Variants in ZDHHC13 observed in about 807,000 individuals in gnomAD.
ZDHHC13 encodes palmitoyltransferase ZDHHC13.
ZDHHC13 carries 85 observed loss-of-function variants against 86.0 expected under a neutral mutation model. That is an observed-to-expected ratio of 0.99 (90% CI 0.83 to 1.18). The LOEUF (loss-of-function observed/expected upper bound fraction) is 1.18, where lower values mean the gene tolerates loss of function less well. ZDHHC13 is among the 50% of genes most tolerant of loss of function. The pLI is 0.00. For missense variants in ZDHHC13, 711 were observed against 730.2 expected (o/e 0.97, Z 0.30); for synonymous variants, 263 against 246.4 (o/e 1.07, Z -0.63).
intron 1 of ZDHHC13, among the ~76,000 whole-genome samples, chr11:19,121,767 C>G (rs1848763397): frequency 6.6e-6 from 1 of 152,064 alleles, no homozygotes; most frequent in Non-Finnish European, 1.5e-5. Flanking sequence ...AATAGCTCAC[C>G]TTAGGACCAT....
In ZDHHC13 at chr11:19,125,725, C is replaced by T. The variant is rs1427268533; in HGVS notation, c.27+8449C>T. Among the ~76,000 whole-genome samples, 4 of 152,244 alleles carry T rather than the reference C, an allele frequency of 2.6e-5. No homozygotes were observed. In the East Asian group the frequency reaches 7.7e-4, roughly 29 times the overall value. ...GTTTGGATAGATTATCTGTGACGCA[C>T]CCATATAGTGGGATACTACACAGCA... is the stretch of plus-strand genomic sequence containing the variant. On this transcript the variant is annotated intron_variant, in intron 1 of 16. Transcript: ENST00000446113.
At chr11:19,132,464 C>T (rs1194698011) in intron 1 of ZDHHC13, among the ~76,000 whole-genome samples, 1 of 152,190 alleles carries the variant, frequency 6.6e-6, no homozygotes, top group Admixed American at 6.5e-5. Flanking sequence ...GTTTACAAAT[C>T]TCCATTTTTT....
intron 15 of ZDHHC13, among the ~76,000 whole-genome samples, chr11:19,171,437 A>G (rs1177449180): frequency 1.3e-5 from 2 of 152,202 alleles, no homozygotes; most frequent in African/African-American, 4.8e-5. Context: ...AATAATAATG[A>G]TAATAATAAC....
Position 19,117,253 on chromosome 11 carries a change from G to T in ZDHHC13, c.4G>T (p.Glu2Ter). The change falls in exon 1 of 17, where the codon GAG becomes TAG. Residue 2 changes from glutamate to a stop codon, truncating the protein, a stop_gained. Transcript: ENST00000446113. LOFTEE classifies it high-confidence loss of function. The surrounding 1 kb of genome is among the most constrained non-coding windows in gnomAD (Gnocchi z 4.2). ...GCCGCTGTGGGCTCCTGGGGAGATG[G>T]AGGGGCCGGGGCTGGGCTCGCAGGT... The part of the protein sequence containing the change: M[E>*]GPGLGSQCRN... 1 of 1,511,732 alleles carries T rather than the reference G, an allele frequency of 6.6e-7. No individual in the cohort carries two copies. The highest frequency in any genetic ancestry group is 8.8e-7 in the Non-Finnish European group (1 of 1,131,078). The allele number at this position is 1,511,732 out of a possible 1,614,324, so 93.6% of individuals were successfully genotyped here.
In ZDHHC13 at chr11:19,150,727, A is replaced by G. The variant is rs1849583880; in HGVS notation, c.520A>G (p.Ser174Gly). The change falls in exon 6 of 17, where the codon AGT becomes GGT. Residue 174 changes from serine (S) to glycine (G), a missense_variant and splice_region_variant. Physicochemically the swap from Ser to Gly is moderately conservative, Grantham distance 56. Coordinates refer to ENST00000446113, the MANE Select transcript of ZDHHC13 (RefSeq NM_019028.3). ...IIAYLISKGQ[S>G]VNMTDVNGQT... ...TGCTAATTGTCTTCTTTTTGAATAG[A>G]GTGTGAATATGACAGATGTAAATGG... The G allele has an allele frequency of 6.2e-7, 1 of 1,603,194 alleles. No individual in the cohort carries two copies. The highest frequency in any genetic ancestry group is 8.5e-7 in the Non-Finnish European group (1 of 1,172,362).
At chr11:19,162,823 T>C (rs1849949795) in intron 10 of ZDHHC13, among the ~76,000 whole-genome samples, 1 of 152,190 alleles carries the variant, frequency 6.6e-6, no homozygotes, top group Non-Finnish European at 1.5e-5. Context: ...TATGATGTGA[T>C]TCTTTCACAA....
At chr11:19,142,531 C>G (rs1421831980) in intron 1 of ZDHHC13, among the ~76,000 whole-genome samples, 3 of 152,158 alleles carry the variant, frequency 2.0e-5, no homozygotes, top group Non-Finnish European at 4.4e-5. Flanking sequence ...TCCACCACAA[C>G]TCCAAAAAGT....
chr11:19,127,287 A>G (rs913875835), intron 1 of ZDHHC13, among the ~76,000 whole-genome samples: 2 of 152,108 alleles, frequency 1.3e-5, no homozygotes, highest in African/African-American at 4.8e-5. Context: ...TTCTTTACCT[A>G]CATTTTAATG....
In ZDHHC13 at chr11:19,122,439, A is replaced by G. The variant is rs1339694115; in HGVS notation, c.27+5163A>G. Among the ~76,000 whole-genome samples the G allele has an allele frequency of 2.6e-5, 4 of 152,140 alleles. No homozygotes were observed. The East Asian group carries it at 7.7e-4, about 29-fold the overall frequency. On this transcript the variant is annotated intron_variant, in intron 1 of 16. Coordinates refer to ENST00000446113, the MANE Select transcript of ZDHHC13 (RefSeq NM_019028.3). ...ATTATTATTATTATTACCTCAATTC[A>G]TGGCTTCTTTGTAGAAATCAGCTTA...
intron 10 of ZDHHC13, among the ~76,000 whole-genome samples, chr11:19,161,787 G>C (rs1849918406): frequency 6.6e-6 from 1 of 152,070 alleles, no homozygotes; most frequent in Admixed American, 6.6e-5. Flanking sequence ...TGCATGTTAT[G>C]GTGAGCTATG....
At chr11:19,140,602 A>G (rs1476507751) in intron 1 of ZDHHC13, among the ~76,000 whole-genome samples, 2 of 152,138 alleles carry the variant, frequency 1.3e-5, no homozygotes, top group Non-Finnish European at 2.9e-5. Context: ...TGCTGCTATA[A>G]AGACACATGC....
chr11:19,117,206 C>A lies in ZDHHC13; in HGVS notation c.-44C>A. ...GGCGGGCTGGCGGGCTGGCGGCAGT[C>A]GCTACTTGCCTAGTAGCCTCAGCCG... On this transcript the variant is annotated 5_prime_UTR_variant, in exon 1 of 17. Coordinates refer to ENST00000446113, the MANE Select transcript of ZDHHC13 (RefSeq NM_019028.3). This position sits in a 1 kb window ranked among gnomAD's most constrained non-coding sequence, Gnocchi z 4.2. 1 of 1,530,090 alleles carries A rather than the reference C, an allele frequency of 6.5e-7. No individual in the cohort carries two copies. 94.8% of individuals were successfully genotyped at this position (1,530,090 alleles called of 1,614,324 possible). A position where few individuals can be genotyped will look rare whatever the true frequency, so the allele number is the denominator to read the frequency against.
Position 19,135,230 on chromosome 11 carries a change from C to T in ZDHHC13, c.28-7748C>T, listed in dbSNP as rs546036182. 6.9e-3 allele frequency among the ~76,000 whole-genome samples: 1,052 copies of T among 152,270 alleles called. 9 individuals carry two copies. Among genetic ancestry groups the T allele is most frequent in the African/African-American group, 0.024 (986 of 41,560 alleles). On this transcript the variant is annotated intron_variant, in intron 1 of 16. Transcript: ENST00000446113. ...GTGGGTGCACGCACGGTGTGCGAGC[C>T]GAAGCAGGGCGAGGCGTTGCCTCAC...
rs753917484 is a variant in ZDHHC13, at chr11:19,158,926, C to A, written c.1008-14C>A. The A allele has an allele frequency of 8.8e-6, 13 of 1,485,584 alleles. No individual in the cohort carries two copies. In the Admixed American group the frequency reaches 2.8e-4, roughly 32 times the overall value. The allele number at this position is 1,485,584 out of a possible 1,614,324, so 92.0% of individuals were successfully genotyped here. A position where few individuals can be genotyped will look rare whatever the true frequency, so the allele number is the denominator to read the frequency against. ...AGTCATACTAATAACTTATATTTAT[C>A]TTTTTTCTTTTAGGTTCTTGGTTGG... On this transcript the variant is annotated splice_polypyrimidine_tract_variant and intron_variant, in intron 9 of 16. Transcript: ENST00000446113.
intron 8 of ZDHHC13, among the ~76,000 whole-genome samples, chr11:19,155,093 GC>G (rs1849719975): frequency 6.6e-6 from 1 of 152,144 alleles, no homozygotes; most frequent in Non-Finnish European, 1.5e-5. Context: ...ATGGTGCAGT[GC>G]CCAGGTTGGA....
At chr11:19,169,287 A>G (rs1382375282) in intron 14 of ZDHHC13, 1 of 985,444 alleles carries the variant, frequency 1.0e-6, no homozygotes, top group South Asian at 4.7e-5. Context: ...TTTCTTTGCC[A>G]TCCTAATGAG....
chr11:19,168,638 TTTA>T (rs892709813), intron 14 of ZDHHC13: 4 of 190,496 alleles, frequency 2.1e-5, no homozygotes, highest in African/African-American at 7.1e-5. Context: ...CCTTGTGTCA[TTTA>T]TTATTATTTC....
rs750451134 is a variant in ZDHHC13, at chr11:19,147,608, A to T, written c.309A>T (p.Ser103=). The part of the protein sequence containing the change: ...NRLDLVKFYI[S]KGAVVDQLGG... ...CTGCTTTTAACAGGTTTTATATTTC[A>T]AAAGGTGCTGTTGTAGATCAGTTGG... Residue 103 remains serine (S), a synonymous_variant, in exon 4 of 17, where the codon TCA becomes TCT. Coordinates refer to ENST00000446113, the MANE Select transcript of ZDHHC13 (RefSeq NM_019028.3). 1 of 1,597,644 alleles carries T rather than the reference A, an allele frequency of 6.3e-7. No homozygotes were observed. The highest frequency in any genetic ancestry group is 8.5e-7 in the Non-Finnish European group (1 of 1,171,152).
In ZDHHC13 at chr11:19,152,565, A is replaced by G. The variant is rs750781507; in HGVS notation, c.754A>G (p.Thr252Ala). ...TACCCTACTCTTTTTTAAGGGAGAA[A>G]CACCTCTTGATATGGCTCTACAAAA... Reference protein sequence around the residue: ...SLDIQNVKGETPLDMALQNKN... With the variant: ...SLDIQNVKGEAPLDMALQNKN... The change falls in exon 8 of 17, where the codon ACA becomes GCA. Residue 252 changes from threonine to alanine, a missense_variant. Physicochemically the swap from Thr to Ala is moderately conservative, Grantham distance 58. Coordinates refer to ENST00000446113, the MANE Select transcript of ZDHHC13 (RefSeq NM_019028.3). 4 of 1,607,966 alleles carry G rather than the reference A, an allele frequency of 2.5e-6. No individual in the cohort carries two copies. The highest frequency in any genetic ancestry group is 2.2e-5 in the East Asian group (1 of 44,820).
Sources: gnomAD v4.1 joint callset for allele counts (sites outside exome capture counted in the v4.1 genomes callset) on GRCh38, gnomAD v4.1.1 for gene constraint, Gnocchi (gnomAD v3.1) non-coding constraint, MANE v1.5 for transcripts, NCBI Gene and HGNC (gene_info 2026-07-23, HGNC 2026-07-21) for gene names.